The following ALCAM variants were observed in gnomAD, a reference collection of about 807,000 sequenced individuals.
ALCAM encodes the protein activated leukocyte cell adhesion molecule.
A neutral mutation model predicts 70.9 loss-of-function variants in ALCAM; 30 were observed. The observed-to-expected ratio is 0.42, with a 90% confidence interval of 0.32 to 0.57. ALCAM has a LOEUF of 0.57. Ranked by LOEUF, ALCAM falls within the 20% of genes least tolerant of loss-of-function variation. The pLI is 0.11. For synonymous variants in ALCAM, 249 were observed against 242.5 expected, an observed-to-expected ratio of 1.03 and a Z score of -0.25; for missense variants, 591 against 695.1, an observed-to-expected ratio of 0.85 and a Z score of 1.68.
intron 1 of ALCAM, among the ~76,000 whole-genome samples, chr3:105,475,582 A>T (rs1332550033): frequency 1.3e-5 from 2 of 152,006 alleles, no homozygotes; most frequent in Non-Finnish European, 2.9e-5. Context: ...CTTCATCACG[A>T]ACACATAATT....
intron 1 of ALCAM, among the ~76,000 whole-genome samples, chr3:105,441,257 G>T (rs927995416): frequency 1.3e-5 from 2 of 151,684 alleles, no homozygotes; most frequent in African/African-American, 2.4e-5. Flanking sequence ...TCAGGTAATT[G>T]ATTCAGTTTT....
chr3:105,528,881 CA>C (rs1448409799), intron 3 of ALCAM, among the ~76,000 whole-genome samples: 1 of 152,136 alleles, frequency 6.6e-6, no homozygotes, highest in Admixed American at 6.6e-5. Context: ...GAGCTTAAAA[CA>C]AAAGTATTAC....
At chr3:105,406,138 A>G (rs1442053041) in intron 1 of ALCAM, among the ~76,000 whole-genome samples, 1 of 152,128 alleles carries the variant, frequency 6.6e-6, no homozygotes, top group East Asian at 1.9e-4. Flanking sequence ...AGTCCTGAAG[A>G]CCTTGCTCTG....
chr3:105,407,188 TC>T (rs565620942), intron 1 of ALCAM, among the ~76,000 whole-genome samples: 33 of 152,058 alleles, frequency 2.2e-4, no homozygotes, highest in Admixed American at 1.0e-3. Flanking sequence ...GAGGGAATCC[TC>T]CCTAAATCCT....
At chr3:105,487,002 A>T (rs1576195511) in intron 1 of ALCAM, among the ~76,000 whole-genome samples, 1 of 136,108 alleles carries the variant, frequency 7.3e-6, no homozygotes, top group South Asian at 2.5e-4. Context: ...CTAGGCTAAG[A>T]TTCAAAATGG....
chr3:105,459,119 A>G (rs1475396476), intron 1 of ALCAM, among the ~76,000 whole-genome samples: 1 of 152,144 alleles, frequency 6.6e-6, no homozygotes, highest in Non-Finnish European at 1.5e-5. Flanking sequence ...CTCATAGTCT[A>G]TGAGTACATT....
chr3:105,561,697 C>T (rs929345225), intron 14 of ALCAM, among the ~76,000 whole-genome samples: 4 of 152,108 alleles, frequency 2.6e-5, no homozygotes, highest in African/African-American at 9.7e-5. Context: ...CCAAAAGAAT[C>T]CTCAGGTTTG....
At chr3:105,520,582 G>C (rs934432729) in intron 2 of ALCAM, among the ~76,000 whole-genome samples, 1 of 152,130 alleles carries the variant, frequency 6.6e-6, no homozygotes, top group African/African-American at 2.4e-5. Flanking sequence ...CAGTCTTTCG[G>C]AATTAATCAT....
At chr3:105,463,645 A>G (rs1182149815) in intron 1 of ALCAM, among the ~76,000 whole-genome samples, 2 of 151,412 alleles carry the variant, frequency 1.3e-5, no homozygotes, top group Admixed American at 1.3e-4. Flanking sequence ...TTCTTTTGAA[A>G]GGTTAAAATT....
At chr3:105,444,853 A>G (rs1302392389) in intron 1 of ALCAM, among the ~76,000 whole-genome samples, 1 of 152,178 alleles carries the variant, frequency 6.6e-6, no homozygotes, top group Admixed American at 6.5e-5. Flanking sequence ...ACCAACTTGG[A>G]TTGTCTTAAC....
At chr3:105,466,386 T>C (rs1937734122) in intron 1 of ALCAM, among the ~76,000 whole-genome samples, 1 of 151,494 alleles carries the variant, frequency 6.6e-6, no homozygotes, top group South Asian at 2.1e-4. Flanking sequence ...TTCTTTAACA[T>C]TGTGCGATCT....
intron 9 of ALCAM, 82 bp from the exon 10 acceptor site, chr3:105,547,066 GT>G: frequency 8.5e-7 from 1 of 1,177,726 alleles, no homozygotes; most frequent in East Asian, 2.6e-5. Flanking sequence ...CAGAAGAATT[GT>G]TTTAGGCTTA....
chr3:105,494,779 C>T (rs754396622), intron 1 of ALCAM, among the ~76,000 whole-genome samples: 2 of 152,092 alleles, frequency 1.3e-5, no homozygotes, highest in Non-Finnish European at 2.9e-5. Context: ...CCCACCTCAG[C>T]GTCCTGACTA....
chr3:105,381,063 C>T lies in ALCAM; in HGVS notation c.73+13582C>T, dbSNP rs1338779746. Reference sequence around the variant, plus strand: ...GGTGGCATTGGGGAAGTTGCTTAAACCCTCTTCTGTCCTAATCTATGCAAT... The same window carrying T: ...GGTGGCATTGGGGAAGTTGCTTAAATCCTCTTCTGTCCTAATCTATGCAAT... On this transcript the variant is annotated intron_variant, in intron 1 of 15. Transcript: ENST00000306107. Among the ~76,000 whole-genome samples the T allele has an allele frequency of 5.3e-5, 8 of 151,980 alleles. No individual in the cohort carries two copies. The South Asian group carries it at 1.0e-3, about 20-fold the overall frequency.
intron 1 of ALCAM, among the ~76,000 whole-genome samples, chr3:105,389,371 GTTTTTTTTTTTTTT>G (rs371987714): frequency 1.7e-5 from 1 of 58,192 alleles, no homozygotes; most frequent in Admixed American, 3.2e-4. Context: ...TATATACATA[GTTTTTTTTTTTTTT>G]TTTTTTTTTT....
At chr3:105,449,875 A>G (rs7649033) in intron 1 of ALCAM, among the ~76,000 whole-genome samples, 104,751 of 151,954 alleles carry the variant, frequency 0.69, 36,429 homozygotes, top group East Asian at 0.93. Flanking sequence ...TTCAACAGCA[A>G]TATACTACTT....
chr3:105,490,925 G>A (rs1322670329), intron 1 of ALCAM, among the ~76,000 whole-genome samples: 1 of 152,146 alleles, frequency 6.6e-6, no homozygotes, highest in Admixed American at 6.5e-5. Flanking sequence ...GTGCCCCAAT[G>A]GGAACTCTGT....
chr3:105,538,834 G>A (rs545831756), intron 6 of ALCAM, among the ~76,000 whole-genome samples: 2 of 152,212 alleles, frequency 1.3e-5, no homozygotes, highest in Admixed American at 6.5e-5. Context: ...ATCAATCACC[G>A]TTTAACCTCA....
intron 1 of ALCAM, among the ~76,000 whole-genome samples, chr3:105,518,045 G>A (rs1259430685): frequency 6.6e-6 from 1 of 152,042 alleles, no homozygotes; most frequent in Non-Finnish European, 1.5e-5. Context: ...GCACATTAAA[G>A]TTCTATAGAG....
Sources: allele counts gnomAD v4.1 joint callset (sites outside exome capture counted in the v4.1 genomes callset), GRCh38; gene constraint gnomAD v4.1.1; transcripts MANE v1.5; gene names NCBI Gene and HGNC (gene_info 2026-07-23, HGNC 2026-07-21).